The following SLIT3 variants were observed in gnomAD, a reference collection of about 807,000 sequenced individuals.
The protein encoded by SLIT3 is slit guidance ligand 3.
A neutral mutation model predicts 184.0 loss-of-function variants in SLIT3; 68 were observed. The ratio of observed to expected loss-of-function variants is 0.37; its 90% confidence interval spans 0.30 to 0.45. The LOEUF (loss-of-function observed/expected upper bound fraction) is 0.45. Ranked by LOEUF, SLIT3 falls within the 20% of genes least tolerant of loss-of-function variation. The pLI, the probability that SLIT3 is intolerant of heterozygous loss-of-function variation, is 1.00. For synonymous variants in SLIT3, 831 were observed against 828.6 expected, an observed-to-expected ratio of 1.00 and a Z score of -0.05; for missense variants, 1,707 against 2,026.0, an observed-to-expected ratio of 0.84 and a Z score of 3.02.
chr5:168,745,905 G>A (rs1361746892), intron 20 of SLIT3, among the ~76,000 whole-genome samples: 1 of 152,134 alleles, frequency 6.6e-6, no homozygotes, highest in African/African-American at 2.4e-5. Context: ...TCAACATCAA[G>A]ACAAGACCCC....
chr5:169,159,505 G>T (rs1762406540), intron 4 of SLIT3, among the ~76,000 whole-genome samples: 2 of 138,420 alleles, frequency 1.4e-5, no homozygotes, highest in South Asian at 4.5e-4. Context: ...GCCAGGCGCG[G>T]TAGCTCACGC....
intron 4 of SLIT3, among the ~76,000 whole-genome samples, chr5:168,910,970 T>G (rs954603274): frequency 2.6e-5 from 4 of 152,030 alleles, no homozygotes; most frequent in South Asian, 4.1e-4. Context: ...AAAACACTCA[T>G]GAAAATATTA....
At chr5:169,124,789 T>C (rs781685422) in intron 4 of SLIT3, among the ~76,000 whole-genome samples, 2 of 152,114 alleles carry the variant, frequency 1.3e-5, no homozygotes, top group Non-Finnish European at 2.9e-5. Context: ...AATGAATACA[T>C]ATGGAGAATA....
chr5:168,999,845 A>C (rs1755641936), intron 4 of SLIT3, among the ~76,000 whole-genome samples: 1 of 152,132 alleles, frequency 6.6e-6, no homozygotes, highest in African/African-American at 2.4e-5. Flanking sequence ...TTTGCACGGG[A>C]AGACCCATGC....
At position 169,014,777 on chromosome 5, in the gene SLIT3, C is replaced by A. The variant is rs190324420; in HGVS notation, c.414-131441G>T. On this transcript the variant is annotated intron_variant, in intron 4 of 35. Transcript: ENST00000519560. Reference sequence around the variant, plus strand: ...ACCAGCCTGACCAATATGGTGAAACCCTGTCTCTACTAAAAATACAAAAAT... The same window carrying A: ...ACCAGCCTGACCAATATGGTGAAACACTGTCTCTACTAAAAATACAAAAAT... 1.9e-3 allele frequency among the ~76,000 whole-genome samples: 294 copies of A among 152,172 alleles called. 2 individuals carry two copies. Among genetic ancestry groups the A allele is most frequent in the Non-Finnish European group, 3.7e-3 (255 of 68,000 alleles).
chr5:169,280,134 C>T (rs750023910), intron 1 of SLIT3, among the ~76,000 whole-genome samples: 12 of 152,190 alleles, frequency 7.9e-5, no homozygotes, highest in African/African-American at 2.2e-4. Context: ...GCCCAGCTTC[C>T]GCTGGGGGTC....
intron 1 of SLIT3, among the ~76,000 whole-genome samples, chr5:169,272,740 G>C (rs1232749358): frequency 6.6e-6 from 1 of 152,182 alleles, no homozygotes; most frequent in African/African-American, 2.4e-5. Flanking sequence ...CCAGCTCCCA[G>C]GGAAAAAGAG....
intron 20 of SLIT3, among the ~76,000 whole-genome samples, chr5:168,737,082 C>G (rs754035039): frequency 1.3e-4 from 20 of 152,150 alleles, no homozygotes; most frequent in Non-Finnish European, 4.4e-5. Context: ...GCAGGACATT[C>G]TTGCTTGCTT....
intron 7 of SLIT3, among the ~76,000 whole-genome samples, chr5:168,820,507 G>T (rs1156924977): frequency 1.3e-5 from 2 of 152,198 alleles, no homozygotes; most frequent in Non-Finnish European, 2.9e-5. Flanking sequence ...CTTAGTACAA[G>T]GCCTGGCACG....
At chr5:168,908,458 C>T (rs1006867538) in intron 4 of SLIT3, among the ~76,000 whole-genome samples, 2 of 152,050 alleles carry the variant, frequency 1.3e-5, no homozygotes, top group Non-Finnish European at 2.9e-5. Context: ...GACGGATGAG[C>T]GGTGGAGAGG....
At chr5:169,099,684 T>G (rs912856996) in intron 4 of SLIT3, among the ~76,000 whole-genome samples, 3 of 152,192 alleles carry the variant, frequency 2.0e-5, no homozygotes, top group African/African-American at 7.2e-5. Flanking sequence ...GTCCCAACCA[T>G]GCCATATCCT....
At chr5:168,870,292 AC>A (rs1581163214) in intron 5 of SLIT3, among the ~76,000 whole-genome samples, 4 of 152,378 alleles carry the variant, frequency 2.6e-5, no homozygotes, top group South Asian at 4.1e-4. Flanking sequence ...ATCTGGGGCT[AC>A]AAGAAGGAAG....
chr5:168,687,121 A>G lies in SLIT3; in HGVS notation c.3177-5T>C. The stretch of plus-strand genomic sequence containing the variant: ...TAGCCAGGGACACACTCGCAGCTGG[A>G]ACATAGGCAGAGGCAAGGCCGTTCC... On this transcript the variant is annotated splice_polypyrimidine_tract_variant and splice_region_variant and intron_variant, in intron 29 of 35. Transcript: ENST00000519560. The G allele has an allele frequency of 6.2e-7, 1 of 1,612,692 alleles. No individual in the cohort carries two copies. Among genetic ancestry groups the G allele is most frequent in the South Asian group, 1.1e-5 (1 of 91,056 alleles).
chr5:168,862,222 A>T (rs1318349430), intron 5 of SLIT3, among the ~76,000 whole-genome samples: 1 of 152,332 alleles, frequency 6.6e-6, no homozygotes, highest in East Asian at 1.9e-4. Flanking sequence ...AAAGGGCGGC[A>T]GGTGGCAAGG....
At chr5:168,889,457 C>A (rs1486492340) in intron 4 of SLIT3, among the ~76,000 whole-genome samples, 1 of 152,176 alleles carries the variant, frequency 6.6e-6, no homozygotes, top group Non-Finnish European at 1.5e-5. Context: ...CAAAAAAACG[C>A]CAATTATTTC....
At chr5:169,184,649 C>G (rs1431597012) in intron 4 of SLIT3, among the ~76,000 whole-genome samples, 1 of 152,178 alleles carries the variant, frequency 6.6e-6, no homozygotes, top group Non-Finnish European at 1.5e-5. Flanking sequence ...ATCTAATGAA[C>G]CAGACTTCCC....
chr5:168,734,150 A>C (rs988703571), intron 20 of SLIT3, among the ~76,000 whole-genome samples: 14 of 152,230 alleles, frequency 9.2e-5, no homozygotes, highest in Non-Finnish European at 1.8e-4. Flanking sequence ...GCATGTAAGA[A>C]ACCTGTACTT....
intron 9 of SLIT3, among the ~76,000 whole-genome samples, chr5:168,804,644 A>G (rs11134533): frequency 0.27 from 40,677 of 152,098 alleles, 5,895 homozygotes; most frequent in East Asian, 0.43. Context: ...ACTCTTTACT[A>G]ACCAGCTCCT....
intron 4 of SLIT3, among the ~76,000 whole-genome samples, chr5:169,061,962 A>G (rs565738662): frequency 2.6e-5 from 4 of 152,264 alleles, no homozygotes; most frequent in African/African-American, 9.6e-5. Flanking sequence ...CGCCACCCCA[A>G]TCGTGAGGTC....
Sources: gnomAD v4.1 joint callset for allele counts (sites outside exome capture counted in the v4.1 genomes callset) on GRCh38, gnomAD v4.1.1 for gene constraint, MANE v1.5 for transcripts, NCBI Gene and HGNC (gene_info 2026-07-23, HGNC 2026-07-21) for gene names.